POLN: variants seen among roughly 807,000 people sequenced by gnomAD.
The protein encoded by POLN is DNA polymerase N.
In POLN, 108 loss-of-function variants were observed where a neutral mutation model predicts 113.5. The ratio of observed to expected loss-of-function variants is 0.95; its 90% confidence interval spans 0.81 to 1.12. The LOEUF (loss-of-function observed/expected upper bound fraction) is 1.12, where lower values mean the gene tolerates loss of function less well. POLN is among the 50% of genes most tolerant of loss of function. The pLI, the probability that POLN is intolerant of heterozygous loss-of-function variation, is 0.00. For missense variants in POLN, 1,097 were observed against 1,077.1 expected (o/e 1.02, Z -0.26); for synonymous variants, 386 against 391.5 (o/e 0.99, Z 0.17).
At chr4:2,085,241 T>C (rs1730518910) in intron 21 of POLN, among the ~76,000 whole-genome samples, 2 of 152,240 alleles carry the variant, frequency 1.3e-5, no homozygotes, top group Non-Finnish European at 2.9e-5. Flanking sequence ...TCCTATTGGA[T>C]ATTCTTTGAA....
intron 20 of POLN, chr4:2,089,402 T>C: frequency 7.2e-7 from 1 of 1,380,958 alleles, no homozygotes; most frequent in South Asian, 1.4e-5. Flanking sequence ...TCTGTGAAAC[T>C]GACAGATGAC....
Position 2,175,483 on chromosome 4 carries a change from T to C in POLN, c.1249-732A>G, listed in dbSNP as rs59564115. 2.3e-3 allele frequency among the ~76,000 whole-genome samples: 343 copies of C among 152,368 alleles called. 1 individual carries two copies. The highest frequency in any genetic ancestry group is 7.8e-3 in the African/African-American group (324 of 41,590). On this transcript the variant is annotated intron_variant, in intron 9 of 25. Transcript: ENST00000511885. ...TCCCAAAATTTACCAATAATTCTCA[T>C]TGATTTTTCACTGCCACTATGGATT...
At chr4:2,154,540 C>T (rs1304670716) in intron 16 of POLN, among the ~76,000 whole-genome samples, 2 of 152,170 alleles carry the variant, frequency 1.3e-5, no homozygotes, top group South Asian at 2.1e-4. Flanking sequence ...CCAAGCATTT[C>T]ACATACTATG....
At chr4:2,177,369 TC>T in intron 8 of POLN, 1 of 422,370 alleles carries the variant, frequency 2.4e-6, no homozygotes, top group Non-Finnish European at 4.7e-6. Flanking sequence ...TCCCTGCTGC[TC>T]CCTCTACCTG....
At chr4:2,075,235 G>C (rs1730247816) in intron 24 of POLN, among the ~76,000 whole-genome samples, 1 of 152,222 alleles carries the variant, frequency 6.6e-6, no homozygotes, top group Admixed American at 6.5e-5. Context: ...AGGGGCTGGT[G>C]GCCCAGGGTG....
At chr4:2,237,652 C>A (rs1239003499) in intron 2 of POLN, among the ~76,000 whole-genome samples, 1 of 152,120 alleles carries the variant, frequency 6.6e-6, no homozygotes, top group East Asian at 1.9e-4. Context: ...ATTTCCACAT[C>A]TTAACTACTA....
intron 19 of POLN, among the ~76,000 whole-genome samples, chr4:2,124,308 C>A (rs868619899): frequency 6.6e-6 from 1 of 152,126 alleles, no homozygotes; most frequent in Non-Finnish European, 1.5e-5. Context: ...GGTTCTTGCT[C>A]TGTCGAGGCG....
chr4:2,085,472 A>T, intron 21 of POLN, 141 bp downstream of exon 21: 2 of 1,081,378 alleles, frequency 1.8e-6, no homozygotes, highest in Non-Finnish European at 2.6e-6. Flanking sequence ...TTATTTGTCC[A>T]ATAAGAGCTG....
Position 2,208,386 on chromosome 4 carries a change from T to C in POLN, c.315A>G (p.Lys105=). The C allele has an allele frequency of 6.2e-7, 1 of 1,613,062 alleles. No individual in the cohort carries two copies. Residue 105 remains lysine (K), a synonymous_variant, in exon 5 of 26, where the codon AAA becomes AAG. Coordinates refer to ENST00000511885, the MANE Select transcript of POLN (RefSeq NM_181808.4). ...GAGTCAATGAGCTGATGCTCTTCTG[T>C]TTTTGGTCAGCAGACAGCTGATCTG... ...RLTDQLSADQ[K]QKSISSLTLS... is the part of the protein sequence containing the mutation.
intron 16 of POLN, among the ~76,000 whole-genome samples, chr4:2,149,806 G>A (rs971173801): frequency 9.3e-5 from 14 of 151,258 alleles, no homozygotes; most frequent in African/African-American, 3.4e-4. Flanking sequence ...AGAGAGGGCC[G>A]GGCGCGTTGA....
At chr4:2,075,550 G>A in intron 23 of POLN, 31 bp from the exon 24 acceptor site, 8 of 1,610,858 alleles carry the variant, frequency 5.0e-6, no homozygotes, top group Non-Finnish European at 6.8e-6. Context: ...CACCCTGGGA[G>A]GCCAGGACTG....
In POLN at chr4:2,229,257, T is replaced by G. The variant is rs1328900998; in HGVS notation, c.-12-14A>C. ...TTTCACAAAATCCTAAATGTAAGAT[T>G]AACATAAGATAAATCCCATATATTA... On this transcript the variant is annotated splice_polypyrimidine_tract_variant and intron_variant, in intron 2 of 25. Coordinates refer to ENST00000511885, the MANE Select transcript of POLN (RefSeq NM_181808.4). 1 of 1,560,024 alleles carries G rather than the reference T, an allele frequency of 6.4e-7. No homozygotes were observed. The highest frequency in any genetic ancestry group is 2.3e-5 in the East Asian group (1 of 44,044).
At chr4:2,112,891 T>A (rs1330153983) in intron 19 of POLN, among the ~76,000 whole-genome samples, 1 of 152,172 alleles carries the variant, frequency 6.6e-6, no homozygotes, top group African/African-American at 2.4e-5. Context: ...ACTGGGTATA[T>A]ACCCAAAGGA....
chr4:2,189,892 G>A (rs1733395617), intron 7 of POLN, among the ~76,000 whole-genome samples: 1 of 151,844 alleles, frequency 6.6e-6, no homozygotes, highest in South Asian at 2.1e-4. Context: ...AGGTGTGGTG[G>A]CGAGTGCCTA....
intron 20 of POLN, chr4:2,090,102 A>G: frequency 1.1e-6 from 1 of 941,036 alleles, no homozygotes; most frequent in Non-Finnish European, 1.6e-6. Flanking sequence ...GTTTGCTACT[A>G]TAATCCAAAT....
At chr4:2,211,250 AAATAATAATAAT>A (rs71167780) in intron 4 of POLN, among the ~76,000 whole-genome samples, 8,842 of 139,768 alleles carry the variant, frequency 0.063, 345 homozygotes, top group African/African-American at 0.11. Context: ...CTCCGTCTCC[AAATAATAATAAT>A]AATAATAATA....
At chr4:2,139,098 G>A (rs1336178197) in intron 16 of POLN, among the ~76,000 whole-genome samples, 2 of 152,176 alleles carry the variant, frequency 1.3e-5, no homozygotes, top group African/African-American at 4.8e-5. Flanking sequence ...CAAATGGGCA[G>A]AGGGAGAGGA....
At chr4:2,186,188 G>A (rs1733267884) in intron 7 of POLN, among the ~76,000 whole-genome samples, 1 of 152,194 alleles carries the variant, frequency 6.6e-6, no homozygotes, top group Non-Finnish European at 1.5e-5. Flanking sequence ...GTGAGACTGA[G>A]GTGGACAATC....
chr4:2,124,231 T>A (rs954157206), intron 19 of POLN, among the ~76,000 whole-genome samples: 1 of 152,106 alleles, frequency 6.6e-6, no homozygotes, highest in African/African-American at 2.4e-5. Flanking sequence ...ATGAGTTTTC[T>A]TTTTGGGGTG....
Sources: gnomAD v4.1 joint callset for allele counts (sites outside exome capture counted in the v4.1 genomes callset) on GRCh38, gnomAD v4.1.1 for gene constraint, MANE v1.5 for transcripts, NCBI Gene and HGNC (gene_info 2026-07-23, HGNC 2026-07-21) for gene names.